The following ADD3 variants were observed in gnomAD, a reference collection of about 807,000 sequenced individuals.
The protein encoded by ADD3 is gamma-adducin.
Under a neutral mutation model 80.2 loss-of-function variants are expected in ADD3, and 25 were observed. The observed-to-expected ratio is 0.31, with a 90% CI of 0.23 to 0.44. The LOEUF (loss-of-function observed/expected upper bound fraction) is 0.44, where lower values mean the gene tolerates loss of function less well. Among genes scored for constraint, ADD3 ranks in the 20% least tolerant of loss-of-function variants. ADD3 has a pLI of 1.00. For missense variants in ADD3, 829 were observed against 847.5 expected (o/e 0.98, Z 0.27); for synonymous variants, 284 against 289.6 (o/e 0.98, Z 0.20).
chr10:110,118,595 CAATAT>C lies in ADD3; in HGVS notation c.581_585del (p.Ile194ArgfsTer5). The C allele has an allele frequency of 6.2e-7, 1 of 1,613,720 alleles. No individual in the cohort carries two copies. Among genetic ancestry groups the C allele is most frequent in the Non-Finnish European group, 8.5e-7 (1 of 1,179,682 alleles). On this transcript the variant is annotated frameshift_variant, in exon 6 of 15. Coordinates refer to ENST00000356080, the MANE Select transcript of ADD3 (RefSeq NM_016824.5). LOFTEE classifies it high-confidence loss of function. ...CTTCTGATTTTTTCCAGGTGAAAGTCAATATAATAGGAGAAGTGGTTGACCAGGGA... is the reference window on the plus strand; with the variant it reads ...CTTCTGATTTTTTCCAGGTGAAAGTCAATAGGAGAAGTGGTTGACCAGGGA...
chr10:110,014,744 C>G (rs1484418437), intron 1 of ADD3, among the ~76,000 whole-genome samples: 1 of 150,720 alleles, frequency 6.6e-6, no homozygotes, highest in Non-Finnish European at 1.5e-5. Flanking sequence ...TCAGGCTGGT[C>G]TCGAACTCCC....
At chr10:110,052,093 C>T (rs1367303479) in intron 1 of ADD3, among the ~76,000 whole-genome samples, 2 of 152,150 alleles carry the variant, frequency 1.3e-5, no homozygotes. Flanking sequence ...GCCTTCATGC[C>T]CAGCCCAGTT....
At chr10:110,064,119 A>G (rs899923069) in intron 1 of ADD3, among the ~76,000 whole-genome samples, 2 of 151,980 alleles carry the variant, frequency 1.3e-5, no homozygotes, top group African/African-American at 2.4e-5. Context: ...ATTCCATTTT[A>G]TGAACATAAA....
chr10:110,068,294 C>A (rs915230735), intron 1 of ADD3, among the ~76,000 whole-genome samples: 6 of 152,180 alleles, frequency 3.9e-5, no homozygotes, highest in Non-Finnish European at 7.3e-5. Flanking sequence ...CACCTCCCCC[C>A]CTCCTTTCTC....
At chr10:110,041,048 G>GTCTCTCACTATCTCCCTCGCTGTC (rs1856294986) in intron 1 of ADD3, among the ~76,000 whole-genome samples, 1 of 151,926 alleles carries the variant, frequency 6.6e-6, no homozygotes. Context: ...CTCATGCTGT[G>GTCTCTCACTATCTCCCTCGCTGTC]TCTCTCACTA....
At chr10:110,019,556 G>A (rs1407279196) in intron 1 of ADD3, among the ~76,000 whole-genome samples, 2 of 152,028 alleles carry the variant, frequency 1.3e-5, no homozygotes, top group Admixed American at 6.6e-5. Flanking sequence ...GGTTTTCACC[G>A]TGTTAGCTAG....
chr10:110,100,150 C>T (rs918281263), intron 1 of ADD3, among the ~76,000 whole-genome samples: 1 of 152,034 alleles, frequency 6.6e-6, no homozygotes, highest in African/African-American at 2.4e-5. Flanking sequence ...AGTTCCAGAC[C>T]AGCATGGTCA....
chr10:110,130,347 AT>A lies in ADD3; in HGVS notation c.1609-10del. ...AACTCTTGGTAATGAATCGATTTTT[AT>A]TTTTTCTTTGTAAGACTATGCAATT... On this transcript the variant is annotated splice_polypyrimidine_tract_variant and intron_variant, in intron 12 of 14. Coordinates refer to ENST00000356080, the MANE Select transcript of ADD3 (RefSeq NM_016824.5). 5 of 1,612,342 alleles carry A rather than the reference AT, an allele frequency of 3.1e-6. No individual in the cohort carries two copies. Among genetic ancestry groups the A allele is most frequent in the Non-Finnish European group, 4.2e-6 (5 of 1,179,408 alleles).
intron 1 of ADD3, among the ~76,000 whole-genome samples, chr10:110,040,712 G>A (rs559294472): frequency 6.6e-6 from 1 of 152,252 alleles, no homozygotes; most frequent in Non-Finnish European, 1.5e-5. Flanking sequence ...AGAGAAGGTT[G>A]AAGGTAAAGA....
chr10:110,087,983 C>G (rs1847010433), intron 1 of ADD3, among the ~76,000 whole-genome samples: 1 of 152,148 alleles, frequency 6.6e-6, no homozygotes, highest in African/African-American at 2.4e-5. Context: ...TGGTTCCCAG[C>G]TTGGTCCCTA....
chr10:110,026,038 A>G (rs1286054739), intron 1 of ADD3, among the ~76,000 whole-genome samples: 1 of 152,184 alleles, frequency 6.6e-6, no homozygotes. Flanking sequence ...GATATTATGT[A>G]TATTGTTCCA....
At chr10:110,128,705 C>T (rs147906085) in intron 12 of ADD3, among the ~76,000 whole-genome samples, 1,629 of 152,250 alleles carry the variant, frequency 0.011, 32 homozygotes, top group African/African-American at 0.038. Flanking sequence ...GCGTGAGCCA[C>T]CACGCCCAGC....
intron 1 of ADD3, among the ~76,000 whole-genome samples, chr10:110,080,246 A>T (rs938520456): frequency 2.0e-5 from 3 of 152,216 alleles, no homozygotes; most frequent in Admixed American, 2.0e-4. Context: ...GGGGTGGGTC[A>T]CCTGACCTCC....
intron 1 of ADD3, among the ~76,000 whole-genome samples, chr10:110,031,250 G>T (rs1340312844): frequency 1.3e-5 from 2 of 152,154 alleles, no homozygotes; most frequent in Non-Finnish European, 2.9e-5. Flanking sequence ...TCCAGCCTGG[G>T]CAACAAGAGC....
chr10:110,055,171 T>C (rs536777462), intron 1 of ADD3, among the ~76,000 whole-genome samples: 5 of 152,230 alleles, frequency 3.3e-5, no homozygotes, highest in Non-Finnish European at 5.9e-5. Flanking sequence ...GAATAAGTTA[T>C]GATGATAAAA....
intron 1 of ADD3, among the ~76,000 whole-genome samples, chr10:110,033,728 G>T (rs1855318223): frequency 6.6e-6 from 1 of 152,128 alleles, no homozygotes; most frequent in Non-Finnish European, 1.5e-5. Flanking sequence ...AATACTTTGT[G>T]CATTCTTGTA....
intron 1 of ADD3, among the ~76,000 whole-genome samples, chr10:110,081,337 A>T (rs1047724365): frequency 1.2e-4 from 19 of 152,178 alleles, no homozygotes; most frequent in Non-Finnish European, 2.9e-5. Flanking sequence ...AGGAGTACCT[A>T]GGTAACTGAG....
At chr10:110,047,724 G>A (rs1169264318) in intron 1 of ADD3, among the ~76,000 whole-genome samples, 1 of 152,154 alleles carries the variant, frequency 6.6e-6, no homozygotes, top group Non-Finnish European at 1.5e-5. Context: ...TGAGAAATGA[G>A]ATAGCTTCAC....
intron 1 of ADD3, among the ~76,000 whole-genome samples, chr10:110,030,323 T>TA (rs551525504): frequency 0.19 from 25,225 of 133,892 alleles, 3,708 homozygotes; most frequent in African/African-American, 0.41. Flanking sequence ...AACTCCATCT[T>TA]AAAAAAAAAA....
Sources: gnomAD v4.1 joint callset for allele counts (sites outside exome capture counted in the v4.1 genomes callset) on GRCh38, gnomAD v4.1.1 for gene constraint, MANE v1.5 for transcripts, NCBI Gene and HGNC (gene_info 2026-07-23, HGNC 2026-07-21) for gene names.